Variants in MYO3B observed in about 807,000 individuals in gnomAD.
MYO3B encodes the protein myosin-IIIb.
Under a neutral mutation model 174.6 loss-of-function variants are expected in MYO3B, and 156 were observed. The ratio of observed to expected loss-of-function variants is 0.89; its 90% confidence interval spans 0.78 to 1.02. The LOEUF is 1.02. MYO3B is among the 50% of genes least tolerant of loss of function. The probability of loss-of-function intolerance (pLI) is 0.00; values close to 1 mark genes in which losing one functional copy is unlikely to be tolerated. For synonymous variants in MYO3B, 563 were observed against 569.1 expected (o/e 0.99, Z 0.15); for missense variants, 1,632 against 1,639.4 (o/e 1.00, Z 0.08).
intron 22 of MYO3B, among the ~76,000 whole-genome samples, chr2:170,414,955 G>T (rs2883654): frequency 0.22 from 33,594 of 152,158 alleles, 4,524 homozygotes; most frequent in Non-Finnish European, 0.3. Context: ...AGTCCTAGAA[G>T]TCTTCTTGTT....
At chr2:170,539,255 G>T (rs1411810393) in intron 30 of MYO3B, among the ~76,000 whole-genome samples, 1 of 152,144 alleles carries the variant, frequency 6.6e-6, no homozygotes, top group African/African-American at 2.4e-5. Context: ...GCTTCCTGTG[G>T]TCTTATCCAG....
At chr2:170,447,436 T>A (rs1261647133) in intron 23 of MYO3B, among the ~76,000 whole-genome samples, 1 of 152,096 alleles carries the variant, frequency 6.6e-6, no homozygotes, top group Non-Finnish European at 1.5e-5. Context: ...AGCATGCAAA[T>A]AGGGAGCGCT....
At chr2:170,397,036 T>C (rs1190950996) in intron 16 of MYO3B, among the ~76,000 whole-genome samples, 1 of 152,122 alleles carries the variant, frequency 6.6e-6, no homozygotes, top group African/African-American at 2.4e-5. Context: ...TTGATCAAAG[T>C]AACGAGGTGC....
chr2:170,185,785 T>G (rs1012979157), intron 1 of MYO3B, among the ~76,000 whole-genome samples: 2 of 152,206 alleles, frequency 1.3e-5, no homozygotes, highest in Non-Finnish European at 2.9e-5. Flanking sequence ...ACATAGAATA[T>G]CTTTCCCTTT....
chr2:170,370,691 A>G (rs2105689833), intron 9 of MYO3B, among the ~76,000 whole-genome samples: 1 of 151,572 alleles, frequency 6.6e-6, no homozygotes, highest in Non-Finnish European at 1.5e-5. Flanking sequence ...ACCACCACCA[A>G]AAATGAAGAC....
intron 25 of MYO3B, among the ~76,000 whole-genome samples, chr2:170,487,361 A>G (rs978651427): frequency 6.6e-6 from 1 of 152,194 alleles, no homozygotes; most frequent in African/African-American, 2.4e-5. Flanking sequence ...CTTCCCTACT[A>G]GAATATAAAG....
intron 7 of MYO3B, among the ~76,000 whole-genome samples, chr2:170,251,070 T>C (rs547594745): frequency 6.9e-4 from 105 of 152,096 alleles, no homozygotes; most frequent in Non-Finnish European, 1.2e-3. Context: ...GGCTTGAGGG[T>C]GGGGCCTTTG....
In MYO3B at chr2:170,401,596, C is replaced by A. The variant is rs200984645; in HGVS notation, c.2034C>A (p.Asp678Glu). ...IRANTVDRAA[D>E]VRDAMSKALY... ...CCAACACTGTAGACAGGGCTGCGGA[C>A]GTTCGAGACGCCATGTCCAAAGCCC... Residue 678 changes from aspartate to glutamate, a missense_variant, in exon 18 of 35, where the codon GAC becomes GAA. Coordinates refer to ENST00000408978, the MANE Select transcript of MYO3B (RefSeq NM_138995.5). 1,940 of 1,614,106 alleles carry A rather than the reference C, an allele frequency of 1.2e-3. 34 individuals are homozygous for A. The South Asian group carries it at 0.02, about 17-fold the overall frequency.
chr2:170,403,582 C>T (rs1028616267), intron 19 of MYO3B, among the ~76,000 whole-genome samples: 3 of 152,198 alleles, frequency 2.0e-5, no homozygotes, highest in Non-Finnish European at 2.9e-5. Context: ...CAACCCCAAC[C>T]TTTACTTAAA....
intron 8 of MYO3B, among the ~76,000 whole-genome samples, chr2:170,353,586 T>C (rs2094095255): frequency 6.6e-6 from 1 of 152,124 alleles, no homozygotes; most frequent in African/African-American, 2.4e-5. Flanking sequence ...GATGTGTCAG[T>C]ATGAGTTCCT....
chr2:170,582,884 T>G (rs1000854216), intron 32 of MYO3B, among the ~76,000 whole-genome samples: 16 of 152,120 alleles, frequency 1.1e-4, no homozygotes, highest in African/African-American at 3.4e-4. Flanking sequence ...GCTTATTCTC[T>G]GGAGGTCAAC....
intron 7 of MYO3B, among the ~76,000 whole-genome samples, chr2:170,274,631 C>T (rs2093449966): frequency 6.6e-6 from 1 of 152,102 alleles, no homozygotes; most frequent in Admixed American, 6.6e-5. Flanking sequence ...ACTACAGAGG[C>T]ATGAAGCTAC....
At chr2:170,395,330 C>T (rs1440167782) in intron 16 of MYO3B, among the ~76,000 whole-genome samples, 1 of 152,160 alleles carries the variant, frequency 6.6e-6, no homozygotes, top group Non-Finnish European at 1.5e-5. Flanking sequence ...TAGGAATTAA[C>T]ATATTACATA....
At chr2:170,614,625 T>C (rs1446411466) in intron 32 of MYO3B, among the ~76,000 whole-genome samples, 1 of 152,200 alleles carries the variant, frequency 6.6e-6, no homozygotes, top group Non-Finnish European at 1.5e-5. Flanking sequence ...AGATTCTGAT[T>C]CAGTAGGTCT....
At chr2:170,415,885 T>G (rs2094575512) in intron 22 of MYO3B, among the ~76,000 whole-genome samples, 1 of 152,178 alleles carries the variant, frequency 6.6e-6, no homozygotes, top group South Asian at 2.1e-4. Flanking sequence ...ACATAGTCTC[T>G]TTCATCTTTT....
intron 22 of MYO3B, among the ~76,000 whole-genome samples, chr2:170,440,350 A>C (rs2094790152): frequency 6.6e-6 from 1 of 152,192 alleles, no homozygotes; most frequent in Non-Finnish European, 1.5e-5. Context: ...ATTACACTGA[A>C]TCTGTAGAAT....
chr2:170,459,224 C>G (rs901204901), intron 23 of MYO3B, among the ~76,000 whole-genome samples: 4 of 152,198 alleles, frequency 2.6e-5, no homozygotes, highest in African/African-American at 7.2e-5. Context: ...TGGCAGCCTG[C>G]TTTTATTCCC....
chr2:170,600,416 T>C (rs1012406612), intron 32 of MYO3B, among the ~76,000 whole-genome samples: 10 of 152,138 alleles, frequency 6.6e-5, no homozygotes, highest in Admixed American at 2.6e-4. Flanking sequence ...TTGGGTTTTG[T>C]AAAGAAAAAT....
rs2094278944 is a variant in MYO3B at position 170,374,855 on chromosome 2, A to G, written c.971+5478A>G. Among the ~76,000 whole-genome samples, 4 of 151,906 alleles carry G rather than the reference A, an allele frequency of 2.6e-5. No individual in the cohort carries two copies. In the East Asian group the frequency reaches 5.8e-4, roughly 22 times the overall value. On this transcript the variant is annotated intron_variant, in intron 9 of 34. Transcript: ENST00000408978. The stretch of plus-strand genomic sequence containing the variant: ...ACCTGTGGAGAAGTGATATTGTACT[A>G]TTTGAGATTTGATAGATACCATTAC...
Sources: gnomAD v4.1 joint callset for allele counts (sites outside exome capture counted in the v4.1 genomes callset) on GRCh38, gnomAD v4.1.1 for gene constraint, MANE v1.5 for transcripts, NCBI Gene and HGNC (gene_info 2026-07-23, HGNC 2026-07-21) for gene names.